CCDC73: variants seen among roughly 807,000 people sequenced by gnomAD.
CCDC73 encodes the protein coiled-coil domain-containing protein 73.
Under a neutral mutation model 116.5 loss-of-function variants are expected in CCDC73, and 95 were observed. The observed-to-expected ratio is 0.82, with a 90% CI of 0.69 to 0.97. The LOEUF (loss-of-function observed/expected upper bound fraction) is 0.97. Ranked by LOEUF, CCDC73 falls within the 50% of genes least tolerant of loss-of-function variation. The pLI, the probability that CCDC73 is intolerant of heterozygous loss-of-function variation, is 0.00. For missense variants in CCDC73, 1,066 were observed against 1,206.8 expected (o/e 0.88, Z 1.73); for synonymous variants, 398 against 401.3 (o/e 0.99, Z 0.10).
chr11:32,715,162 G>C (rs539389592), intron 3 of CCDC73, among the ~76,000 whole-genome samples: 10 of 152,180 alleles, frequency 6.6e-5, no homozygotes, highest in African/African-American at 2.4e-4. Flanking sequence ...CCTTAAGTGA[G>C]TAAAAACATA....
the CCDC73 span, among the ~76,000 whole-genome samples, chr11:32,802,939 T>C: frequency 2.0e-5 from 3 of 151,530 alleles, no homozygotes; most frequent in East Asian, 1.9e-4. Flanking sequence ...TTTTTTTTTT[T>C]CTTTTTTGGA....
chr11:32,710,600 C>A (rs1175924142), intron 3 of CCDC73, among the ~76,000 whole-genome samples: 2 of 152,050 alleles, frequency 1.3e-5, no homozygotes, highest in African/African-American at 4.8e-5. Context: ...GTTTTGTGGC[C>A]TATCATATGG....
intron 17 of CCDC73, among the ~76,000 whole-genome samples, chr11:32,608,019 A>C (rs1855377829): frequency 1.5e-5 from 1 of 67,894 alleles, no homozygotes; most frequent in Non-Finnish European, 3.4e-5. Flanking sequence ...CATAGGAAAG[A>C]CCGGCCCCCC....
chr11:32,794,220 G>A (rs1850703165), intron 1 of CCDC73: 1 of 152,124 alleles, frequency 6.6e-6, no homozygotes, highest in African/African-American at 2.4e-5. Flanking sequence ...ATTTTCAGAA[G>A]AACAATCGAC....
chr11:32,651,863 T>C (rs753393293), intron 12 of CCDC73, among the ~76,000 whole-genome samples: 46 of 152,164 alleles, frequency 3.0e-4, no homozygotes, highest in Admixed American at 1.4e-3. Flanking sequence ...TTTAGAAGGA[T>C]AGAAGTATCT....
At chr11:32,743,102 T>C (rs1218625835) in intron 2 of CCDC73, among the ~76,000 whole-genome samples, 4 of 152,226 alleles carry the variant, frequency 2.6e-5, no homozygotes, top group South Asian at 2.1e-4. Flanking sequence ...TGCCTCCAGC[T>C]TTGTTCTTCT....
intron 14 of CCDC73, among the ~76,000 whole-genome samples, chr11:32,624,647 C>T (rs1855553738): frequency 6.6e-6 from 1 of 152,074 alleles, no homozygotes; most frequent in Non-Finnish European, 1.5e-5. Flanking sequence ...CTAGAAATAC[C>T]ATTTGACCCA....
At chr11:32,782,301 C>A (rs985712911) in intron 1 of CCDC73, among the ~76,000 whole-genome samples, 1 of 152,150 alleles carries the variant, frequency 6.6e-6, no homozygotes, top group Non-Finnish European at 1.5e-5. Flanking sequence ...AACCATCTTC[C>A]CCCAGCCCCA....
the CCDC73 span, among the ~76,000 whole-genome samples, chr11:32,801,944 G>A: frequency 0.01 from 1,572 of 152,134 alleles, 26 homozygotes; most frequent in African/African-American, 0.036. Context: ...TAGAGAAGAG[G>A]ACCTTAAATT....
At chr11:32,820,068 C>T in the CCDC73 span, among the ~76,000 whole-genome samples, 2 of 152,112 alleles carry the variant, frequency 1.3e-5, no homozygotes, top group African/African-American at 2.4e-5. Context: ...TATTTCTTAA[C>T]TTTTCAAAAA....
rs1346477503 is a variant in CCDC73 at position 32,675,917 on chromosome 11, T to A, written c.534A>T (p.Val178=). 6.2e-7 allele frequency: 1 copy of A among 1,607,234 alleles called. No homozygotes were observed. The highest frequency in any genetic ancestry group is 1.7e-5 in the Admixed American group (1 of 58,500). ...YATITGQFGL[V]KENHEKLEQN... is the part of the protein sequence containing the mutation. Reference sequence around the variant, plus strand: ...GTTCTAACTTTTCATGATTCTCTTTTACCAATCCAAATTGACCTGTTATTG... The same window carrying A: ...GTTCTAACTTTTCATGATTCTCTTTAACCAATCCAAATTGACCTGTTATTG... Residue 178 remains valine, a synonymous_variant, in exon 8 of 18, where the codon GTA becomes GTT. Coordinates refer to ENST00000335185, the MANE Select transcript of CCDC73 (RefSeq NM_001008391.4).
chr11:32,669,789 G>C (rs913157872), intron 9 of CCDC73, among the ~76,000 whole-genome samples: 4 of 152,156 alleles, frequency 2.6e-5, no homozygotes, highest in African/African-American at 9.7e-5. Context: ...GCAAATGACA[G>C]TATCTTATTC....
chr11:32,684,987 T>A (rs80123293), intron 6 of CCDC73, among the ~76,000 whole-genome samples: 17,539 of 150,868 alleles, frequency 0.12, 1,074 homozygotes, highest in South Asian at 0.14. Context: ...TCAAAAAAAA[T>A]ATATATATAT....
intron 14 of CCDC73, among the ~76,000 whole-genome samples, chr11:32,630,229 T>C (rs1055023640): frequency 1.1e-4 from 16 of 152,232 alleles, no homozygotes; most frequent in South Asian, 4.1e-4. Flanking sequence ...TATAATATTA[T>C]TGGAAAGTAT....
At chr11:32,685,718 CTTTTTTTT>C in intron 6 of CCDC73, among the ~76,000 whole-genome samples, 1 of 90,692 alleles carries the variant, frequency 1.1e-5, no homozygotes, top group African/African-American at 4.4e-5. Context: ...CCTGACTTAG[CTTTTTTTT>C]TTTTTTTTTT....
At chr11:32,643,424 T>C (rs1192391995) in intron 12 of CCDC73, among the ~76,000 whole-genome samples, 1 of 152,064 alleles carries the variant, frequency 6.6e-6, no homozygotes, top group Non-Finnish European at 1.5e-5. Flanking sequence ...CATTAGGTGA[T>C]TTTTGTCACT....
chr11:32,644,235 C>T (rs1855757211), intron 12 of CCDC73, among the ~76,000 whole-genome samples: 2 of 152,094 alleles, frequency 1.3e-5, no homozygotes, highest in Non-Finnish European at 2.9e-5. Context: ...AACACAGGAA[C>T]AGAAAACCAA....
At chr11:32,700,395 A>G (rs905694150) in intron 5 of CCDC73, among the ~76,000 whole-genome samples, 17 of 152,224 alleles carry the variant, frequency 1.1e-4, no homozygotes, top group African/African-American at 3.9e-4. Context: ...AGTCATTTCC[A>G]TATTTTTTAA....
chr11:32,823,888 T>G, the CCDC73 span, among the ~76,000 whole-genome samples: 1 of 151,962 alleles, frequency 6.6e-6, no homozygotes, highest in Non-Finnish European at 1.5e-5. Context: ...TGTTTGTTTG[T>G]TTTTGTTTTG....
Sources: gnomAD v4.1 joint callset for allele counts (sites outside exome capture counted in the v4.1 genomes callset) on GRCh38, gnomAD v4.1.1 for gene constraint, MANE v1.5 for transcripts, NCBI Gene and HGNC (gene_info 2026-07-23, HGNC 2026-07-21) for gene names.